CSMD1: variants seen among roughly 807,000 people sequenced by gnomAD.
The protein encoded by CSMD1 is CUB and Sushi multiple domains 1, also known as CUB and sushi domain-containing protein 1.
A neutral mutation model predicts 417.5 loss-of-function variants in CSMD1; 213 were observed. The observed-to-expected ratio is 0.51, with a 90% CI of 0.46 to 0.57. The LOEUF (loss-of-function observed/expected upper bound fraction) is 0.57. Ranked by LOEUF, CSMD1 falls within the 20% of genes least tolerant of loss-of-function variation. The probability of loss-of-function intolerance (pLI) is 0.00; values close to 1 mark genes in which losing one functional copy is unlikely to be tolerated. For synonymous variants in CSMD1, 2,862 were observed against 1,736.8 expected, an observed-to-expected ratio of 1.65 and a Z score of -16.11; for missense variants, 6,923 against 4,529.7, an observed-to-expected ratio of 1.53 and a Z score of -15.17.
At chr8:4,768,658 C>G (rs1160020062) in intron 1 of CSMD1, among the ~76,000 whole-genome samples, 1 of 152,132 alleles carries the variant, frequency 6.6e-6, no homozygotes, top group African/African-American at 2.4e-5. Context: ...TACAGTCAAT[C>G]ACAGATGGGA....
At chr8:3,555,800 G>T (rs1168887632) in intron 10 of CSMD1, among the ~76,000 whole-genome samples, 1 of 152,126 alleles carries the variant, frequency 6.6e-6, no homozygotes, top group Non-Finnish European at 1.5e-5. Context: ...TAGGCAGACA[G>T]TTGTATGGTT....
At chr8:4,844,862 G>C (rs1801042089) in intron 1 of CSMD1, among the ~76,000 whole-genome samples, 1 of 152,114 alleles carries the variant, frequency 6.6e-6, no homozygotes, top group Non-Finnish European at 1.5e-5. Context: ...AGATATGCCA[G>C]TACTACATCT....
At chr8:3,620,948 A>G (rs1796197013) in intron 7 of CSMD1, among the ~76,000 whole-genome samples, 1 of 152,298 alleles carries the variant, frequency 6.6e-6, no homozygotes, top group South Asian at 2.1e-4. Flanking sequence ...ATTTGGAGAT[A>G]GAGACTTTAA....
intron 5 of CSMD1, among the ~76,000 whole-genome samples, chr8:3,912,219 C>A (rs1191834965): frequency 1.3e-5 from 2 of 152,150 alleles, no homozygotes; most frequent in East Asian, 3.8e-4. Context: ...TCTGATTCGA[C>A]ATACTTCTAT....
chr8:3,648,251 C>A (rs970329203), intron 7 of CSMD1, among the ~76,000 whole-genome samples: 1 of 152,220 alleles, frequency 6.6e-6, no homozygotes, highest in Non-Finnish European at 1.5e-5. Flanking sequence ...TGCTATTCCC[C>A]AAATTATTTT....
chr8:4,346,984 T>C (rs1800810700), intron 3 of CSMD1, among the ~76,000 whole-genome samples: 1 of 152,174 alleles, frequency 6.6e-6, no homozygotes, highest in Non-Finnish European at 1.5e-5. Context: ...GGAGGGTGCT[T>C]GTGGCTGAGG....
chr8:3,540,704 C>A (rs1283284249), intron 10 of CSMD1, among the ~76,000 whole-genome samples: 1 of 151,898 alleles, frequency 6.6e-6, no homozygotes, highest in Admixed American at 6.6e-5. Context: ...ACAAACAATC[C>A]CATTAAAAAG....
intron 2 of CSMD1, among the ~76,000 whole-genome samples, chr8:4,596,156 A>T (rs754188582): frequency 3.9e-5 from 6 of 152,180 alleles, no homozygotes; most frequent in Non-Finnish European, 8.8e-5. Context: ...TCAGGAATAC[A>T]TAAGTCTGGA....
chr8:3,741,213 TAAAAAAAAAAAAAAA>T (rs58662516), intron 6 of CSMD1, among the ~76,000 whole-genome samples: 2 of 67,276 alleles, frequency 3.0e-5, no homozygotes, highest in Admixed American at 3.8e-4. Flanking sequence ...GACTCCGTCT[TAAAAAAAAAAAAAAA>T]AAAAAAAAAA....
intron 7 of CSMD1, among the ~76,000 whole-genome samples, chr8:3,670,257 C>A (rs1398341613): frequency 2.0e-5 from 3 of 151,934 alleles, no homozygotes; most frequent in East Asian, 1.9e-4. Context: ...ATGAAAAGGT[C>A]AGACTGGCCT....
At chr8:3,671,564 T>TATATATATATGATCATATATATGATC (rs1799061491) in intron 7 of CSMD1, among the ~76,000 whole-genome samples, 6 of 42,216 alleles carry the variant, frequency 1.4e-4, no homozygotes, top group African/African-American at 7.5e-4. Context: ...TATGATCATA[T>TATATATATATGATCATATATATGATC]ATATATATAT....
intron 1 of CSMD1, among the ~76,000 whole-genome samples, chr8:4,786,525 A>G (rs986428909): frequency 1.3e-5 from 2 of 152,166 alleles, no homozygotes; most frequent in African/African-American, 4.8e-5. Context: ...GGTGGTTGGT[A>G]GTTTTCTGCT....
intron 26 of CSMD1, among the ~76,000 whole-genome samples, chr8:3,250,718 CTGT>C (rs1175522508): frequency 6.6e-6 from 1 of 152,204 alleles, no homozygotes; most frequent in Non-Finnish European, 1.5e-5. Context: ...TCTCCAGCAC[CTGT>C]TGTTTCCTGA....
At chr8:3,064,850 C>G (rs573817490) in intron 49 of CSMD1, among the ~76,000 whole-genome samples, 1 of 152,258 alleles carries the variant, frequency 6.6e-6, no homozygotes, top group Non-Finnish European at 1.5e-5. Context: ...GCATTAAAGA[C>G]AAGTTAGGGG....
At chr8:4,959,657 T>G (rs1585410450) in intron 1 of CSMD1, among the ~76,000 whole-genome samples, 1 of 152,326 alleles carries the variant, frequency 6.6e-6, no homozygotes, top group Non-Finnish European at 1.5e-5. Context: ...CTTCTCAGCG[T>G]ATTATCTAGC....
In CSMD1 at chr8:3,205,545, C is replaced by A. The variant is rs762616652; in HGVS notation, c.4943G>T (p.Gly1648Val). ...SPNYPHNYTA[G>V]QICLYSITVP... ...CGTGATGGAATAGAGGCATATTTGA[C>A]CAGCTGTGTAATTATGGGGGTAGTT... Residue 1648 changes from glycine to valine, a missense_variant, in exon 31 of 70, where the codon GGT becomes GTT. Coordinates refer to ENST00000635120, the MANE Select transcript of CSMD1 (RefSeq NM_033225.6). The A allele has an allele frequency of 6.2e-7, 1 of 1,601,170 alleles. No homozygotes were observed. Among genetic ancestry groups the A allele is most frequent in the Non-Finnish European group, 8.5e-7 (1 of 1,172,202 alleles).
intron 2 of CSMD1, among the ~76,000 whole-genome samples, chr8:4,431,699 C>G (rs561782417): frequency 2.6e-5 from 4 of 152,126 alleles, no homozygotes; most frequent in South Asian, 4.1e-4. Flanking sequence ...ATCCTAAATC[C>G]TGACAGCAGA....
chr8:4,720,982 A>C (rs541651049), intron 1 of CSMD1, among the ~76,000 whole-genome samples: 3 of 152,258 alleles, frequency 2.0e-5, no homozygotes, highest in Admixed American at 6.5e-5. Context: ...CCGGAAGACA[A>C]TTTTTATTTG....
intron 5 of CSMD1, among the ~76,000 whole-genome samples, chr8:3,818,889 A>C (rs1223259308): frequency 6.6e-6 from 1 of 152,038 alleles, no homozygotes; most frequent in East Asian, 1.9e-4. Context: ...CTTCCTGCAA[A>C]CTTGAAAGCA....
Sources: allele counts gnomAD v4.1 joint callset (sites outside exome capture counted in the v4.1 genomes callset), GRCh38; gene constraint gnomAD v4.1.1; transcripts MANE v1.5; gene names NCBI Gene and HGNC (gene_info 2026-07-23, HGNC 2026-07-21).